ANO4: variants seen among roughly 807,000 people sequenced by gnomAD.
The protein encoded by ANO4 is anoctamin-4.
Under a neutral mutation model 141.9 loss-of-function variants are expected in ANO4, and 69 were observed. The observed-to-expected ratio is 0.49, with a 90% CI of 0.40 to 0.59. The LOEUF is 0.59. Ranked by LOEUF, ANO4 falls within the 20% of genes least tolerant of loss-of-function variation. The pLI is 0.00. For missense variants in ANO4, 894 were observed against 1,162.2 expected (o/e 0.77, Z 3.36); for synonymous variants, 350 against 394.3 (o/e 0.89, Z 1.33).
rs768086247 is a variant in ANO4 at position 101,020,150 on chromosome 12, A to G, written c.841+10A>G. 2.2e-5 allele frequency: 34 copies of G among 1,541,040 alleles called. No individual in the cohort carries two copies. The highest frequency in any genetic ancestry group is 3.0e-5 in the Non-Finnish European group (33 of 1,115,792). On this transcript the variant is annotated intron_variant, in intron 9 of 27. Transcript: ENST00000392977. ...GGAAAAAACAAGATTGGTAAGTAGT[A>G]TGTTAGTATAACAAACTACATTTGG...
At chr12:101,104,609 GTGTGTGTATGTATGTGTGTATATATATA>G (rs1222774480) in intron 22 of ANO4, among the ~76,000 whole-genome samples, 3 of 69,918 alleles carry the variant, frequency 4.3e-5, no homozygotes, top group Non-Finnish European at 4.8e-5. Context: ...GTGTGTGTGT[GTGTGTGTATGTATGTGTGTATATATATA>G]TATATATATA....
intron 8 of ANO4, among the ~76,000 whole-genome samples, chr12:100,995,154 G>A (rs1412485688): frequency 6.6e-6 from 1 of 152,064 alleles, no homozygotes; most frequent in Non-Finnish European, 1.5e-5. Context: ...GACTGCATGG[G>A]GGTGGGGGTG....
chr12:100,761,449 G>A (rs1593285928), intron 3 of ANO4, among the ~76,000 whole-genome samples: 1 of 152,224 alleles, frequency 6.6e-6, no homozygotes, highest in African/African-American at 2.4e-5. Flanking sequence ...AAATTCTGGA[G>A]GAAATCAGGA....
chr12:101,103,228 T>TA (rs1312835213), intron 22 of ANO4, among the ~76,000 whole-genome samples: 17 of 136,414 alleles, frequency 1.2e-4, no homozygotes, highest in African/African-American at 4.6e-4. Flanking sequence ...TATATATATA[T>TA]ATCTTTTTGT....
chr12:100,983,675 C>G (rs1201488000), intron 7 of ANO4, among the ~76,000 whole-genome samples: 1 of 152,200 alleles, frequency 6.6e-6, no homozygotes, highest in Non-Finnish European at 1.5e-5. Context: ...GGGTCAAGTG[C>G]TTCTCAAACT....
At chr12:100,988,294 C>CTCTGAAGCTCTGAAGCT (rs1309920039) in intron 8 of ANO4, among the ~76,000 whole-genome samples, 2 of 152,146 alleles carry the variant, frequency 1.3e-5, no homozygotes, top group Admixed American at 1.3e-4. Flanking sequence ...AGAGAATTTA[C>CTCTGAAGCTCTGAAGCT]TCTGAAGCTT....
At chr12:100,951,485 A>C (rs767192826) in intron 5 of ANO4, among the ~76,000 whole-genome samples, 1 of 152,218 alleles carries the variant, frequency 6.6e-6, no homozygotes, top group Non-Finnish European at 1.5e-5. Context: ...CTTACACATC[A>C]TAGAATACTA....
At chr12:100,987,717 G>A in intron 8 of ANO4, 47 bp downstream of exon 8, 1 of 1,604,880 alleles carries the variant, frequency 6.2e-7, no homozygotes, top group Non-Finnish European at 8.5e-7. Flanking sequence ...ATGTGCAGCT[G>A]TGGTAGAGCC....
chr12:100,988,872 G>GGAAAAAAA (rs2044883137), intron 8 of ANO4, among the ~76,000 whole-genome samples: 5 of 65,042 alleles, frequency 7.7e-5, no homozygotes, highest in Admixed American at 1.7e-4. Flanking sequence ...CTCTGTCTCA[G>GGAAAAAAA]AAAAAAAAAA....
chr12:101,063,412 C>T (rs2048431880), intron 14 of ANO4, among the ~76,000 whole-genome samples: 1 of 152,192 alleles, frequency 6.6e-6, no homozygotes, highest in South Asian at 2.1e-4. Flanking sequence ...ATCTTGCATT[C>T]CAAGGATCCC....
intron 9 of ANO4, among the ~76,000 whole-genome samples, chr12:101,033,929 C>A (rs931468091): frequency 6.6e-6 from 1 of 152,084 alleles, no homozygotes; most frequent in Non-Finnish European, 1.5e-5. Context: ...AAATCAAAAC[C>A]GTAATGAGAT....
intron 3 of ANO4, among the ~76,000 whole-genome samples, chr12:100,938,490 C>T (rs868386110): frequency 5.5e-4 from 84 of 152,170 alleles, no homozygotes; most frequent in African/African-American, 1.9e-3. Flanking sequence ...AACCCTCAGC[C>T]ATTTTTAAAG....
intron 1 of ANO4, among the ~76,000 whole-genome samples, chr12:100,846,224 A>C (rs1392232092): frequency 2.6e-5 from 4 of 152,226 alleles, no homozygotes; most frequent in Non-Finnish European, 5.9e-5. Flanking sequence ...AAAAACATGA[A>C]GATCATCCTA....
intron 9 of ANO4, among the ~76,000 whole-genome samples, chr12:101,025,326 A>G (rs940968126): frequency 2.0e-5 from 3 of 152,242 alleles, no homozygotes; most frequent in Admixed American, 1.3e-4. Flanking sequence ...AGACAGCACC[A>G]TGAAAAGTGA....
intron 5 of ANO4, among the ~76,000 whole-genome samples, chr12:100,947,901 A>G (rs1231821559): frequency 6.6e-6 from 1 of 152,036 alleles, no homozygotes; most frequent in Non-Finnish European, 1.5e-5. Context: ...AAGTTAGGAG[A>G]GGCAGGGCAT....
chr12:101,067,863 C>G (rs2048654664), intron 14 of ANO4, among the ~76,000 whole-genome samples: 1 of 152,112 alleles, frequency 6.6e-6, no homozygotes, highest in Non-Finnish European at 1.5e-5. Flanking sequence ...AGTACTGAAG[C>G]TTATATTTAG....
At chr12:101,098,470 T>TA (rs2050069702) in intron 21 of ANO4, among the ~76,000 whole-genome samples, 1 of 152,202 alleles carries the variant, frequency 6.6e-6, no homozygotes, top group Non-Finnish European at 1.5e-5. Context: ...CCACACCTAT[T>TA]GGTTTCCATG....
At chr12:100,740,717 G>A (rs2031827520) in intron 3 of ANO4, among the ~76,000 whole-genome samples, 1 of 152,056 alleles carries the variant, frequency 6.6e-6, no homozygotes, top group African/African-American at 2.4e-5. Flanking sequence ...TGTACAGCCC[G>A]AGAACTAAGA....
chr12:101,097,983 G>T, intron 21 of ANO4, 38 bp downstream of exon 21: 1 of 1,572,568 alleles, frequency 6.4e-7, no homozygotes, highest in South Asian at 1.1e-5. Flanking sequence ...AGGCAGCATT[G>T]CTCATTATTG....
Sources: gnomAD v4.1 joint callset for allele counts (sites outside exome capture counted in the v4.1 genomes callset) on GRCh38, gnomAD v4.1.1 for gene constraint, MANE v1.5 for transcripts, NCBI Gene and HGNC (gene_info 2026-07-23, HGNC 2026-07-21) for gene names.